The following YAP1 variants were observed in gnomAD, a reference collection of about 807,000 sequenced individuals.
The protein encoded by YAP1 is Yes1 associated transcriptional regulator.
In YAP1, 5 loss-of-function variants were observed where a neutral mutation model predicts 56.9. That is an observed-to-expected ratio of 0.09 (90% CI 0.05 to 0.18). The LOEUF (loss-of-function observed/expected upper bound fraction) is 0.18, where lower values mean the gene tolerates loss of function less well. Ranked by LOEUF, YAP1 falls within the 10% of genes least tolerant of loss-of-function variation. The probability of loss-of-function intolerance (pLI) is 1.00; values close to 1 mark genes in which losing one functional copy is unlikely to be tolerated. For missense variants in YAP1, 539 were observed against 651.8 expected (o/e 0.83, Z 1.88); for synonymous variants, 265 against 248.1 (o/e 1.07, Z -0.64).
At chr11:102,212,863 G>A (rs1181712315) in intron 6 of YAP1, among the ~76,000 whole-genome samples, 1 of 152,198 alleles carries the variant, frequency 6.6e-6, no homozygotes, top group Admixed American at 6.5e-5. Context: ...TTACAGGCAT[G>A]AGCCACCACA....
At chr11:102,226,487 G>A (rs1384953120) in intron 7 of YAP1, among the ~76,000 whole-genome samples, 1 of 152,162 alleles carries the variant, frequency 6.6e-6, no homozygotes. Context: ...CGTAGAGAAA[G>A]TTGAAGTTCA....
At chr11:102,172,920 G>A (rs1947003097) in intron 3 of YAP1, among the ~76,000 whole-genome samples, 2 of 152,194 alleles carry the variant, frequency 1.3e-5, no homozygotes, top group Admixed American at 1.3e-4. Context: ...GAGGCCCTGA[G>A]ACATGTTTGG....
intron 2 of YAP1, among the ~76,000 whole-genome samples, chr11:102,117,057 T>C (rs1272847922): frequency 6.6e-6 from 1 of 152,252 alleles, no homozygotes; most frequent in Admixed American, 6.5e-5. Context: ...ACTTCCATGA[T>C]GTTATGGACC....
intron 5 of YAP1, among the ~76,000 whole-genome samples, chr11:102,206,287 C>A (rs1949116606): frequency 6.6e-6 from 1 of 152,136 alleles, no homozygotes. Context: ...ACTTGGAAAC[C>A]TGTATCATGA....
At chr11:102,127,031 C>T (rs1944073124) in intron 2 of YAP1, among the ~76,000 whole-genome samples, 1 of 152,146 alleles carries the variant, frequency 6.6e-6, no homozygotes. Context: ...TTCTAAGCAG[C>T]AAAGCATTCA....
At chr11:102,111,593 C>A (rs903474369) in intron 1 of YAP1, among the ~76,000 whole-genome samples, 5 of 137,236 alleles carry the variant, frequency 3.6e-5, no homozygotes, top group African/African-American at 1.4e-4. Flanking sequence ...TCGCTCCCGC[C>A]GGGCCGGGCT....
At chr11:102,206,783 G>A (rs188488396) in intron 5 of YAP1, among the ~76,000 whole-genome samples, 170 of 152,238 alleles carry the variant, frequency 1.1e-3, no homozygotes, top group African/African-American at 3.8e-3. Flanking sequence ...GCAGAGGTTC[G>A]GTGAGCCAAG....
chr11:102,217,983 G>C (rs1168283480), intron 6 of YAP1, among the ~76,000 whole-genome samples: 1 of 152,158 alleles, frequency 6.6e-6, no homozygotes, highest in Non-Finnish European at 1.5e-5. Context: ...TTACAGGTGT[G>C]AGCCACTGCA....
chr11:102,135,912 C>T (rs1388584209), intron 2 of YAP1, among the ~76,000 whole-genome samples: 1 of 152,152 alleles, frequency 6.6e-6, no homozygotes, highest in East Asian at 1.9e-4. Context: ...ATTTTCATAG[C>T]TGTGTGGCTC....
chr11:102,209,610 G>T, intron 6 of YAP1, 46 bp downstream of exon 6: 1 of 1,215,450 alleles, frequency 8.2e-7, no homozygotes, highest in Non-Finnish European at 1.1e-6. Flanking sequence ...AAAAAAAAAA[G>T]ATATTAAATT....
intron 2 of YAP1, among the ~76,000 whole-genome samples, chr11:102,130,588 A>C (rs1348805218): frequency 1.3e-5 from 2 of 151,796 alleles, no homozygotes; most frequent in Admixed American, 1.3e-4. Flanking sequence ...TCTTTAGTAG[A>C]GATGGAGTCT....
At chr11:102,210,956 A>C (rs550152496) in intron 6 of YAP1, among the ~76,000 whole-genome samples, 4 of 152,022 alleles carry the variant, frequency 2.6e-5, no homozygotes, top group East Asian at 1.9e-4. Context: ...GGGGTTTCAC[A>C]GTGTTAGCCA....
chr11:102,200,083 T>G (rs898785059), intron 4 of YAP1, among the ~76,000 whole-genome samples: 2 of 152,256 alleles, frequency 1.3e-5, no homozygotes, highest in Non-Finnish European at 2.9e-5. Flanking sequence ...AATGTTTATA[T>G]ACACATATAT....
At chr11:102,150,131 T>G (rs1945549546) in intron 2 of YAP1, among the ~76,000 whole-genome samples, 1 of 151,860 alleles carries the variant, frequency 6.6e-6, no homozygotes, top group Non-Finnish European at 1.5e-5. Flanking sequence ...ATTACAGGCA[T>G]GTGCCACCAT....
chr11:102,197,213 T>G (rs186418908), intron 4 of YAP1, among the ~76,000 whole-genome samples: 1 of 152,368 alleles, frequency 6.6e-6, no homozygotes, highest in Non-Finnish European at 1.5e-5. Flanking sequence ...AACAAGTTAA[T>G]ATAGCTATGC....
At chr11:102,205,360 T>A (rs1467962545) in intron 4 of YAP1, among the ~76,000 whole-genome samples, 1 of 152,112 alleles carries the variant, frequency 6.6e-6, no homozygotes, top group African/African-American at 2.4e-5. Flanking sequence ...GAATGCTTTG[T>A]CTTAATTTTT....
intron 3 of YAP1, among the ~76,000 whole-genome samples, chr11:102,183,665 C>T (rs1436838645): frequency 6.6e-6 from 1 of 150,826 alleles, no homozygotes; most frequent in African/African-American, 2.5e-5. Context: ...TCTTGTGGCT[C>T]TCATTCAGAC....
chr11:102,153,875 AC>A (rs1456714258), intron 2 of YAP1, among the ~76,000 whole-genome samples: 1 of 152,016 alleles, frequency 6.6e-6, no homozygotes, highest in Non-Finnish European at 1.5e-5. Context: ...AATCTGTAAG[AC>A]CTAGAAACCT....
chr11:102,156,152 G>A (rs1324668401), intron 2 of YAP1, among the ~76,000 whole-genome samples: 1 of 152,118 alleles, frequency 6.6e-6, no homozygotes, highest in African/African-American at 2.4e-5. Context: ...CTGACATGTA[G>A]TAGTTCCATT....
Sources: allele counts gnomAD v4.1 joint callset (sites outside exome capture counted in the v4.1 genomes callset), GRCh38; gene constraint gnomAD v4.1.1; transcripts MANE v1.5; gene names NCBI Gene and HGNC (gene_info 2026-07-23, HGNC 2026-07-21).